The following SATB2 variants were observed in gnomAD, a reference collection of about 807,000 sequenced individuals.
SATB2 encodes DNA-binding protein SATB2.
In SATB2, 1 loss-of-function variant was observed where a neutral mutation model predicts 73.4. The ratio of observed to expected loss-of-function variants is 0.01; its 90% CI spans 0.00 to 0.06. SATB2 has a LOEUF of 0.06. Among genes scored for constraint, SATB2 ranks in the 10% least tolerant of loss-of-function variants. The pLI is 1.00. For missense variants in SATB2, 459 were observed against 945.8 expected (o/e 0.49, Z 6.75); for synonymous variants, 397 against 367.0 (o/e 1.08, Z -0.93).
chr2:199,442,928 C>T (rs141890406), intron 2 of SATB2, among the ~76,000 whole-genome samples: 1 of 146,580 alleles, frequency 6.8e-6, no homozygotes, highest in Non-Finnish European at 1.5e-5. Flanking sequence ...TCCTGAGACT[C>T]GACCACATGT....
chr2:199,369,147 G>T (rs998907812), intron 5 of SATB2, among the ~76,000 whole-genome samples: 6 of 152,144 alleles, frequency 3.9e-5, no homozygotes, highest in African/African-American at 1.4e-4. Context: ...AACATTTAGG[G>T]AAATAAGTTA....
intron 7 of SATB2, among the ~76,000 whole-genome samples, chr2:199,340,461 A>T (rs542176017): frequency 1.3e-5 from 2 of 152,302 alleles, no homozygotes; most frequent in African/African-American, 4.8e-5. Context: ...ACTGTTACAA[A>T]AGAATAGCAC....
chr2:199,329,030 C>T, intron 7 of SATB2, 120 bp from the exon 8 acceptor site: 1 of 757,980 alleles, frequency 1.3e-6, no homozygotes, highest in Admixed American at 2.0e-5. Context: ...ATGTCAAGAA[C>T]CTCACACTAA....
At chr2:199,423,659 A>G (rs1217800874) in intron 3 of SATB2, 2 of 152,158 alleles carry the variant, frequency 1.3e-5, no homozygotes, top group Non-Finnish European at 2.9e-5. Flanking sequence ...GTAATAAAAC[A>G]AGACATTTAG....
intron 3 of SATB2, among the ~76,000 whole-genome samples, chr2:199,432,469 T>A (rs1226935950): frequency 6.6e-6 from 1 of 152,214 alleles, no homozygotes; most frequent in East Asian, 1.9e-4. Flanking sequence ...ATCCTTGGCA[T>A]CTTCACAAAT....
intron 3 of SATB2, among the ~76,000 whole-genome samples, chr2:199,421,198 C>T (rs1277981176): frequency 6.6e-6 from 1 of 152,106 alleles, no homozygotes; most frequent in Non-Finnish European, 1.5e-5. Flanking sequence ...AGGACCATCT[C>T]ATACTTGGTA....
chr2:199,309,801 C>G (rs958371491), intron 9 of SATB2, among the ~76,000 whole-genome samples: 1 of 152,212 alleles, frequency 6.6e-6, no homozygotes, highest in Non-Finnish European at 1.5e-5. Flanking sequence ...AAAACAAGAA[C>G]TGTCCCACAT....
chr2:199,336,828 G>A lies in SATB2; in HGVS notation c.1174-7918C>T, dbSNP rs1688350417. 1.3e-5 allele frequency among the ~76,000 whole-genome samples: 2 copies of A among 152,196 alleles called. 1 individual carries two copies. The highest frequency in any genetic ancestry group is 4.1e-4 in the South Asian group (2 of 4,830). ...TAAAGTAGTTATGAGTATGAGTCAT[G>A]AAGTCAGACTTGCTGGATTCGAAAT... is the stretch of plus-strand genomic sequence containing the variant. On this transcript the variant is annotated intron_variant, in intron 7 of 10. Coordinates refer to ENST00000417098, the MANE Select transcript of SATB2 (RefSeq NM_001172509.2).
intron 10 of SATB2, among the ~76,000 whole-genome samples, chr2:199,275,845 G>A (rs1203751436): frequency 6.6e-6 from 1 of 152,132 alleles, no homozygotes; most frequent in Non-Finnish European, 1.5e-5. Context: ...CATCTCTAAA[G>A]TGAAACTGTC....
At chr2:199,357,642 T>C (rs1559000612) in intron 6 of SATB2, among the ~76,000 whole-genome samples, 2 of 152,168 alleles carry the variant, frequency 1.3e-5, no homozygotes, top group Non-Finnish European at 2.9e-5. Flanking sequence ...TGTCAGTTTA[T>C]TAGCAATTCA....
At chr2:199,448,302 G>C (rs1202008581) in intron 2 of SATB2, among the ~76,000 whole-genome samples, 1 of 151,990 alleles carries the variant, frequency 6.6e-6, no homozygotes, top group Admixed American at 6.6e-5. Flanking sequence ...TAAAAATACA[G>C]TTATTTTTAC....
At chr2:199,459,794 G>C (rs1009565418), upstream of SATB2, 2 of 152,714 alleles carry the variant, frequency 1.3e-5, no homozygotes, top group Non-Finnish European at 2.9e-5. This position sits in a 1 kb window ranked among gnomAD's most constrained non-coding sequence, Gnocchi z 4.2. Flanking sequence ...TGGGAGCAGA[G>C]ACTGCGAAAA....
At chr2:199,344,210 G>A (rs575968185) in intron 7 of SATB2, among the ~76,000 whole-genome samples, 5 of 152,172 alleles carry the variant, frequency 3.3e-5, no homozygotes, top group Admixed American at 6.5e-5. Flanking sequence ...GCCATGAAAT[G>A]CCTATTCATG....
At chr2:199,302,945 C>T (rs1410768899) in intron 10 of SATB2, among the ~76,000 whole-genome samples, 1 of 152,160 alleles carries the variant, frequency 6.6e-6, no homozygotes, top group African/African-American at 2.4e-5. Flanking sequence ...AGTTCTTTGA[C>T]ATCACACCAA....
intron 3 of SATB2, among the ~76,000 whole-genome samples, chr2:199,398,417 C>T (rs936944629): frequency 6.6e-5 from 10 of 152,146 alleles, no homozygotes; most frequent in Non-Finnish European, 8.8e-5. Context: ...CAGATGCACA[C>T]GTTAATAAAC....
At chr2:199,293,674 A>ATGC (rs1199664614) in intron 10 of SATB2, among the ~76,000 whole-genome samples, 2 of 152,160 alleles carry the variant, frequency 1.3e-5, no homozygotes, top group African/African-American at 4.8e-5. Context: ...TACCCATGAT[A>ATGC]TGCTACAAGG....
At position 199,308,982 on chromosome 2, in the gene SATB2, A is replaced by G; in HGVS notation, c.1543-25T>C. The G allele has an allele frequency of 1.9e-6, 3 of 1,598,278 alleles. No individual in the cohort carries two copies. Among genetic ancestry groups the G allele is most frequent in the Non-Finnish European group, 2.6e-6 (3 of 1,166,288 alleles). ...CCTGTAGAGAGAGGAGGTCGCTTGC[A>G]TTAACCTGCAGAGTGTAGAGGAGCT... On this transcript the variant is annotated intron_variant, in intron 9 of 10. Transcript: ENST00000417098. The surrounding 1 kb of genome is among the most constrained non-coding windows in gnomAD (Gnocchi z 4.6).
At chr2:199,302,888 T>C (rs990778255) in intron 10 of SATB2, among the ~76,000 whole-genome samples, 7 of 152,132 alleles carry the variant, frequency 4.6e-5, no homozygotes, top group Non-Finnish European at 8.8e-5. Flanking sequence ...TGAAGCCACC[T>C]CAAAAATGCC....
intron 3 of SATB2, among the ~76,000 whole-genome samples, chr2:199,422,663 T>G (rs1283683385): frequency 2.0e-5 from 3 of 152,108 alleles, no homozygotes; most frequent in Non-Finnish European, 4.4e-5. Flanking sequence ...CTGAAGCCAA[T>G]TTTTGGTGTT....
Sources: gnomAD v4.1 joint callset for allele counts (sites outside exome capture counted in the v4.1 genomes callset) on GRCh38, gnomAD v4.1.1 for gene constraint, Gnocchi (gnomAD v3.1) non-coding constraint, MANE v1.5 for transcripts, NCBI Gene and HGNC (gene_info 2026-07-23, HGNC 2026-07-21) for gene names.